The following ECM2 variants were observed in gnomAD, a reference collection of about 807,000 sequenced individuals.
ECM2 encodes extracellular matrix protein 2.
In ECM2, 57 loss-of-function variants were observed where a neutral mutation model predicts 67.5. That is an observed-to-expected ratio of 0.84 (90% CI 0.68 to 1.05). The LOEUF is 1.05. Ranked by LOEUF, ECM2 falls within the 50% of genes least tolerant of loss-of-function variation. The pLI, the probability that ECM2 is intolerant of heterozygous loss-of-function variation, is 0.00. For synonymous variants in ECM2, 258 were observed against 294.5 expected, an observed-to-expected ratio of 0.88 and a Z score of 1.27; for missense variants, 741 against 822.8, an observed-to-expected ratio of 0.90 and a Z score of 1.22.
chr9:92,512,219 G>A, intron 4 of ECM2, 93 bp from the exon 5 acceptor site: 1 of 713,506 alleles, frequency 1.4e-6, no homozygotes, highest in Non-Finnish European at 2.3e-6. Context: ...TCAAGAGAGA[G>A]CTTTGTCTGG....
chr9:92,504,875 A>T (rs76928405), intron 7 of ECM2, among the ~76,000 whole-genome samples: 186 of 152,272 alleles, frequency 1.2e-3, no homozygotes, highest in African/African-American at 4.1e-3. Context: ...AGGGGTGTTG[A>T]CATTCATCAG....
intron 2 of ECM2, among the ~76,000 whole-genome samples, chr9:92,518,899 TAAAC>T: frequency 6.6e-6 from 1 of 152,144 alleles, no homozygotes. Context: ...AATAAATAAA[TAAAC>T]AAATAAAGTT....
At chr9:92,540,481 A>AATCAATG (rs1357657868), upstream of ECM2, among the ~76,000 whole-genome samples, 1 of 151,668 alleles carries the variant, frequency 6.6e-6, no homozygotes, top group Non-Finnish European at 1.5e-5. Context: ...ATCTTAAAAT[A>AATCAATG]ATCAATGAAG....
At chr9:92,523,030 G>T in intron 1 of ECM2, 137 bp from the exon 2 acceptor site, 3 of 819,346 alleles carry the variant, frequency 3.7e-6, no homozygotes, top group South Asian at 2.1e-5. Context: ...ATATGCTATA[G>T]TATTATTGCC....
the ECM2 span, among the ~76,000 whole-genome samples, chr9:92,546,369 C>G: frequency 6.6e-6 from 1 of 152,160 alleles, no homozygotes; most frequent in African/African-American, 2.4e-5. Flanking sequence ...TTCTTTTGCT[C>G]TTTGCAATAA....
chr9:92,501,762 C>T (rs935559612), intron 8 of ECM2, among the ~76,000 whole-genome samples: 1 of 152,184 alleles, frequency 6.6e-6, no homozygotes, highest in African/African-American at 2.4e-5. Context: ...CTGAATGACA[C>T]GTGTCCCAGG....
At chr9:92,516,074 C>T (rs193022164) in intron 3 of ECM2, among the ~76,000 whole-genome samples, 1 of 140,040 alleles carries the variant, frequency 7.1e-6, no homozygotes, top group African/African-American at 2.5e-5. Flanking sequence ...CTTTTTTTTC[C>T]CCCCCCCGAG....
At chr9:92,554,300 C>T in the ECM2 span, among the ~76,000 whole-genome samples, 1,098 of 152,050 alleles carry the variant, frequency 7.2e-3, 14 homozygotes, top group African/African-American at 0.025. Context: ...TCTCCTGCCT[C>T]AGCTTCCCCA....
At chr9:92,529,571 G>A (rs1848622497) in intron 1 of ECM2, among the ~76,000 whole-genome samples, 1 of 151,836 alleles carries the variant, frequency 6.6e-6, no homozygotes, top group Non-Finnish European at 1.5e-5. Context: ...TTCTTCAATA[G>A]GTGAATGGAA....
the ECM2 span, among the ~76,000 whole-genome samples, chr9:92,553,494 G>A: frequency 6.6e-6 from 1 of 152,094 alleles, no homozygotes; most frequent in Non-Finnish European, 1.5e-5. Flanking sequence ...GATTGCTTTT[G>A]GCAGTATGAT....
intron 3 of ECM2, among the ~76,000 whole-genome samples, chr9:92,516,072 T>TC (rs76297691): frequency 0.03 from 4,214 of 139,808 alleles, 112 homozygotes; most frequent in Middle Eastern, 0.058. Flanking sequence ...TACTTTTTTT[T>TC]CCCCCCCCCG....
intron 1 of ECM2, among the ~76,000 whole-genome samples, chr9:92,532,029 A>ATTTTTTTTTTTTTTTTTTTTTT (rs201461115): frequency 5.5e-5 from 5 of 91,050 alleles, no homozygotes; most frequent in Admixed American, 2.2e-4. Context: ...TTTTTTTTTT[A>ATTTTTTTTTTTTTTTTTTTTTT]TTTTATTTTT....
In ECM2 at chr9:92,509,912, TTCA is replaced by T. The variant is rs748618191; in HGVS notation, c.1290_1292del (p.Asp430del). Reference sequence around the variant, plus strand: ...AATATTAAATACCTGATAAACTTTCTTCATCGATAGCCTGAAGATTGTTCTCAT... The same window carrying T: ...AATATTAAATACCTGATAAACTTTCTTCGATAGCCTGAAGATTGTTCTCAT... On this transcript the variant is annotated inframe_deletion, in exon 6 of 10. Coordinates refer to ENST00000344604, the MANE Select transcript of ECM2 (RefSeq NM_001393.4). The T allele has an allele frequency of 6.2e-7, 1 of 1,604,032 alleles. No individual in the cohort carries two copies. The highest frequency in any genetic ancestry group is 1.1e-5 in the South Asian group (1 of 88,880).
chr9:92,554,363 G>A, the ECM2 span, among the ~76,000 whole-genome samples: 63,128 of 151,408 alleles, frequency 0.42, 15,275 homozygotes, highest in African/African-American at 0.67. Flanking sequence ...TTTTGTATTT[G>A]GTAAAGATGG....
intron 6 of ECM2, among the ~76,000 whole-genome samples, chr9:92,506,618 G>A (rs1295868258): frequency 6.6e-6 from 1 of 152,226 alleles, no homozygotes; most frequent in Non-Finnish European, 1.5e-5. Flanking sequence ...CAACAGCAAA[G>A]ACGGTTGCAT....
At chr9:92,520,282 C>G (rs1370240096) in intron 2 of ECM2, among the ~76,000 whole-genome samples, 1 of 151,500 alleles carries the variant, frequency 6.6e-6, no homozygotes, top group East Asian at 1.9e-4. Context: ...GACCCCATCT[C>G]TTAAAAAAAG....
the ECM2 span, among the ~76,000 whole-genome samples, chr9:92,542,863 C>T: frequency 9.9e-5 from 15 of 152,136 alleles, no homozygotes; most frequent in African/African-American, 3.4e-4. Context: ...ACATTTAATT[C>T]ATTAATCTAT....
chr9:92,543,443 G>C, the ECM2 span, among the ~76,000 whole-genome samples: 83 of 121,982 alleles, frequency 6.8e-4, 3 homozygotes, highest in South Asian at 0.021. Context: ...CTGCTCTCCA[G>C]CCTGGGTGAC....
In ECM2 at chr9:92,512,198, G is replaced by A. The variant is rs898661164; in HGVS notation, c.1055-72C>T. 4.2e-6 allele frequency: 4 copies of A among 949,462 alleles called. No individual in the cohort carries two copies. The South Asian group carries it at 4.7e-5, about 11-fold the overall frequency. 58.8% of individuals were successfully genotyped at this position (949,462 alleles called of 1,614,324 possible). A position where few individuals can be genotyped will look rare whatever the true frequency, so the allele number is the denominator to read the frequency against. On this transcript the variant is annotated intron_variant, in intron 4 of 9. Coordinates refer to ENST00000344604, the MANE Select transcript of ECM2 (RefSeq NM_001393.4). ...CATGTACACACATGTATGGGCATGT[G>A]TGCATAGATATCAAGAGAGAGCTTT...
Sources: gnomAD v4.1 joint callset for allele counts (sites outside exome capture counted in the v4.1 genomes callset) on GRCh38, gnomAD v4.1.1 for gene constraint, MANE v1.5 for transcripts, NCBI Gene and HGNC (gene_info 2026-07-23, HGNC 2026-07-21) for gene names.